The following SENP7 variants were observed in gnomAD, a reference collection of about 807,000 sequenced individuals.
SENP7 encodes SUMO specific peptidase 7.
A neutral mutation model predicts 141.2 loss-of-function variants in SENP7; 64 were observed. The observed-to-expected ratio is 0.45, with a 90% CI of 0.37 to 0.56. The LOEUF is 0.56. Among genes scored for constraint, SENP7 ranks in the 20% least tolerant of loss-of-function variants. The pLI, the probability that SENP7 is intolerant of heterozygous loss-of-function variation, is 0.00. For missense variants in SENP7, 1,025 were observed against 1,212.2 expected, an observed-to-expected ratio of 0.85 and a Z score of 2.29; for synonymous variants, 382 against 426.4, an observed-to-expected ratio of 0.90 and a Z score of 1.28.
At chr3:101,386,465 C>A (rs1417293470) in intron 6 of SENP7, among the ~76,000 whole-genome samples, 2 of 152,194 alleles carry the variant, frequency 1.3e-5, no homozygotes, top group Admixed American at 6.5e-5. Flanking sequence ...CCCTGAGACT[C>A]AAGCAGCTGC....
chr3:101,367,571 G>A (rs2060069600), intron 8 of SENP7, among the ~76,000 whole-genome samples: 1 of 151,978 alleles, frequency 6.6e-6, no homozygotes, highest in Admixed American at 6.6e-5. Context: ...ACCTACTAAG[G>A]AAAGAGCGAT....
At chr3:101,353,640 G>T (rs969146045) in intron 11 of SENP7, among the ~76,000 whole-genome samples, 1 of 151,858 alleles carries the variant, frequency 6.6e-6, no homozygotes, top group African/African-American at 2.4e-5. Flanking sequence ...TCTTACAATA[G>T]CTAATAGTTA....
At chr3:101,347,721 CAA>C (rs11389959) in intron 13 of SENP7, 149 bp downstream of exon 13, 5,998 of 271,548 alleles carry the variant, frequency 0.022, no homozygotes, top group Middle Eastern at 0.034. Flanking sequence ...GACTCCATCT[CAA>C]AAAAAAAAAA....
intron 3 of SENP7, among the ~76,000 whole-genome samples, chr3:101,466,812 G>C (rs1235521020): frequency 6.6e-6 from 1 of 152,140 alleles, no homozygotes; most frequent in African/African-American, 2.4e-5. Context: ...TCGGTACCTG[G>C]TTCATCTCAC....
At chr3:101,495,271 G>A (rs940917248) in intron 2 of SENP7, among the ~76,000 whole-genome samples, 6 of 152,162 alleles carry the variant, frequency 3.9e-5, no homozygotes, top group African/African-American at 1.4e-4. Flanking sequence ...CAATGTAGCA[G>A]AGAAAAAGGA....
chr3:101,386,649 C>T (rs557892567), intron 6 of SENP7, among the ~76,000 whole-genome samples: 58 of 152,308 alleles, frequency 3.8e-4, no homozygotes, highest in African/African-American at 1.3e-3. Context: ...ATCCCCAGCA[C>T]TCTAGCCCAG....
chr3:101,470,882 G>T (rs574521927), intron 3 of SENP7, among the ~76,000 whole-genome samples: 62 of 152,230 alleles, frequency 4.1e-4, no homozygotes, highest in African/African-American at 1.5e-3. Flanking sequence ...GCCAAATCAT[G>T]AGTGAACTCC....
chr3:101,490,529 A>C (rs984982991), intron 3 of SENP7, among the ~76,000 whole-genome samples: 23 of 152,168 alleles, frequency 1.5e-4, no homozygotes, highest in Non-Finnish European at 2.9e-4. Flanking sequence ...CTTGAGTCAC[A>C]TAAAAAAGAA....
intron 3 of SENP7, among the ~76,000 whole-genome samples, chr3:101,480,184 T>C (rs2064409031): frequency 6.6e-6 from 1 of 152,024 alleles, no homozygotes; most frequent in Non-Finnish European, 1.5e-5. Context: ...AACCTAAAAT[T>C]TGTATGGAAA....
rs570126606 is a variant in SENP7 at position 101,490,732 on chromosome 3, T to G, written c.186+3141A>C. 2.0e-4 allele frequency among the ~76,000 whole-genome samples: 31 copies of G among 152,208 alleles called. No individual in the cohort carries two copies. The South Asian group carries it at 6.0e-3, about 29-fold the overall frequency. On this transcript the variant is annotated intron_variant, in intron 3 of 23. Transcript: ENST00000394095. ...AACAAATCAATAAATGAGTTAAAAT[T>G]CTCCTAAAGACTATGGAAAGGGGCA... is the stretch of plus-strand genomic sequence containing the variant.
At chr3:101,486,223 G>C (rs769506478) in intron 3 of SENP7, among the ~76,000 whole-genome samples, 13 of 152,146 alleles carry the variant, frequency 8.5e-5, no homozygotes, top group Admixed American at 2.0e-4. Context: ...GGCCTTGCTA[G>C]AGACCTAGAC....
At chr3:101,364,489 G>A (rs1314132188) in intron 10 of SENP7, among the ~76,000 whole-genome samples, 1 of 152,068 alleles carries the variant, frequency 6.6e-6, no homozygotes, top group African/African-American at 2.4e-5. Flanking sequence ...ATTCCAAGTA[G>A]CCATAATACT....
intron 3 of SENP7, among the ~76,000 whole-genome samples, chr3:101,482,187 C>T (rs1576486343): frequency 6.6e-6 from 1 of 151,868 alleles, no homozygotes; most frequent in South Asian, 2.1e-4. Flanking sequence ...GTGGCGGGCA[C>T]CTGTAGTCCC....
rs1259648966 is a variant in SENP7 at position 101,327,899 on chromosome 3, T to C, written c.2865-83A>G. 4.2e-6 allele frequency: 5 copies of C among 1,186,998 alleles called. No homozygotes were observed. The East Asian group carries it at 1.1e-4, about 25-fold the overall frequency. 73.5% of individuals were successfully genotyped at this position (1,186,998 alleles called of 1,614,324 possible). ...CATTTTCAGAAAGGCGGAAAAACAT[T>C]TGTTGCCAGATGTGCTGTCTCAAGC... On this transcript the variant is annotated intron_variant, in intron 22 of 23. Coordinates refer to ENST00000394095, the MANE Select transcript of SENP7 (RefSeq NM_020654.5).
intron 3 of SENP7, among the ~76,000 whole-genome samples, chr3:101,466,624 A>G (rs1442488871): frequency 6.6e-6 from 1 of 152,184 alleles, no homozygotes; most frequent in Non-Finnish European, 1.5e-5. Flanking sequence ...GAAACACACA[A>G]AAGTATAAAA....
intron 5 of SENP7, among the ~76,000 whole-genome samples, chr3:101,406,306 C>G (rs2061302200): frequency 6.6e-6 from 1 of 152,072 alleles, no homozygotes; most frequent in Admixed American, 6.6e-5. Flanking sequence ...AGCTGGAAAC[C>G]ATCATTCTCA....
At chr3:101,441,363 G>A (rs550566220) in intron 4 of SENP7, among the ~76,000 whole-genome samples, 1 of 152,214 alleles carries the variant, frequency 6.6e-6, no homozygotes, top group African/African-American at 2.4e-5. Context: ...CCCTGCCCCT[G>A]CAAACAGTAT....
At chr3:101,494,152 CT>C (rs1446257633) in intron 2 of SENP7, among the ~76,000 whole-genome samples, 184 bp from the exon 3 acceptor site, 1 of 152,198 alleles carries the variant, frequency 6.6e-6, no homozygotes, top group Non-Finnish European at 1.5e-5. Flanking sequence ...CTCCTTGACT[CT>C]GAAAGTCAAA....
At chr3:101,414,012 GACA>G (rs1342258570) in intron 5 of SENP7, among the ~76,000 whole-genome samples, 2 of 152,084 alleles carry the variant, frequency 1.3e-5, no homozygotes, top group African/African-American at 2.4e-5. Flanking sequence ...TAAATATTTT[GACA>G]ACAACATAAA....
Sources: allele counts gnomAD v4.1 joint callset (sites outside exome capture counted in the v4.1 genomes callset), GRCh38; gene constraint gnomAD v4.1.1; transcripts MANE v1.5; gene names NCBI Gene and HGNC (gene_info 2026-07-23, HGNC 2026-07-21).